The following DSC1 variants were observed in gnomAD, a reference collection of about 807,000 sequenced individuals.
DSC1 encodes the protein desmocollin 1.
DSC1 carries 79 observed loss-of-function variants against 98.8 expected under a neutral mutation model. The ratio of observed to expected loss-of-function variants is 0.80; its 90% CI spans 0.67 to 0.96. DSC1 has a LOEUF of 0.96. Ranked by LOEUF, DSC1 falls within the 50% of genes least tolerant of loss-of-function variation. The pLI, the probability that DSC1 is intolerant of heterozygous loss-of-function variation, is 0.00. For synonymous variants in DSC1, 405 were observed against 372.1 expected, an observed-to-expected ratio of 1.09 and a Z score of -1.02; for missense variants, 1,115 against 1,075.9, an observed-to-expected ratio of 1.04 and a Z score of -0.51.
intron 1 of DSC1, 76 bp downstream of exon 1, chr18:31,162,456 T>A: frequency 7.0e-7 from 1 of 1,423,010 alleles, no homozygotes. Flanking sequence ...ACTCCTAGTC[T>A]CTTTCAAGCC....
At position 31,154,810 on chromosome 18, in the gene DSC1, T is replaced by C; in HGVS notation, c.591A>G (p.Thr197=). ...CATATTTCTCACGGTCAATGCTCCTTGTACAAAAGATATCCCCAGTGTCTT... is the reference window on the plus strand; with the variant it reads ...CATATTTCTCACGGTCAATGCTCCTCGTACAAAAGATATCCCCAGTGTCTT... The part of the protein sequence containing the change: ...IEKDTGDIFC[T]RSIDREKYEQ... Residue 197 remains threonine (T), a synonymous_variant, in exon 5 of 16, where the codon ACA becomes ACG. Coordinates refer to ENST00000257198, the MANE Select transcript of DSC1 (RefSeq NM_024421.2). The C allele has an allele frequency of 6.2e-7, 1 of 1,613,932 alleles. No homozygotes were observed. The highest frequency in any genetic ancestry group is 8.5e-7 in the Non-Finnish European group (1 of 1,179,890).
chr18:31,147,006 CA>C (rs1350450170), intron 6 of DSC1, among the ~76,000 whole-genome samples: 2 of 152,214 alleles, frequency 1.3e-5, no homozygotes, highest in African/African-American at 4.8e-5. Flanking sequence ...ATATTATTCA[CA>C]CATATGTACA....
At chr18:31,135,829 G>A (rs79237852) in intron 11 of DSC1, among the ~76,000 whole-genome samples, 3 of 152,094 alleles carry the variant, frequency 2.0e-5, no homozygotes, top group Non-Finnish European at 4.4e-5. Flanking sequence ...GGTAATTGAT[G>A]TAATTTTTCA....
chr18:31,141,921 C>T (rs1988744829), intron 9 of DSC1, 78 bp downstream of exon 9: 12 of 1,401,872 alleles, frequency 8.6e-6, no homozygotes, highest in South Asian at 1.4e-5. Flanking sequence ...TAGTCATATA[C>T]ATATAAGAAT....
rs1989167522 is a variant in DSC1, at chr18:31,159,381, C to G, written c.148+64G>C. On this transcript the variant is annotated intron_variant, in intron 2 of 15. Coordinates refer to ENST00000257198, the MANE Select transcript of DSC1 (RefSeq NM_024421.2). The stretch of plus-strand genomic sequence containing the variant: ...TATGTGGTTTTTATCCCAAACTTTA[C>G]AAGAGCAGCCTGCAGCTAAATGTGA... The G allele has an allele frequency of 5.8e-6, 9 of 1,550,812 alleles. No homozygotes were observed. The South Asian group carries it at 6.8e-5, about 12-fold the overall frequency.
intron 11 of DSC1, among the ~76,000 whole-genome samples, chr18:31,137,792 C>T (rs1470581616): frequency 6.6e-6 from 1 of 152,078 alleles, no homozygotes; most frequent in East Asian, 1.9e-4. Context: ...GAATTTCAGA[C>T]AGGAGGAGCA....
At chr18:31,134,166 C>T (rs1201542944) in intron 12 of DSC1, 36 bp from the exon 13 acceptor site, 3 of 1,588,708 alleles carry the variant, frequency 1.9e-6, no homozygotes, top group Non-Finnish European at 2.6e-6. Flanking sequence ...TATGGATTGG[C>T]TGTTTAGATG....
At chr18:31,146,633 T>C (rs1988852167) in intron 6 of DSC1, among the ~76,000 whole-genome samples, 1 of 152,140 alleles carries the variant, frequency 6.6e-6, no homozygotes, top group Non-Finnish European at 1.5e-5. Context: ...AAATAGTAGC[T>C]CTGTTTTTAG....
intron 6 of DSC1, 137 bp downstream of exon 6, chr18:31,148,361 T>C (rs1988890351): frequency 9.1e-7 from 1 of 1,103,094 alleles, no homozygotes; most frequent in East Asian, 2.7e-5. Flanking sequence ...CAATTCCTAA[T>C]GGGAAAAAAA....
rs770260276 is a variant in DSC1 at position 31,157,437 on chromosome 18, G to C, written c.285C>G (p.Phe95Leu). Residue 95 changes from phenylalanine to leucine, a missense_variant, in exon 3 of 16, where the codon TTC becomes TTG. Phe to Leu is a conservative substitution (Grantham distance 22). Coordinates refer to ENST00000257198, the MANE Select transcript of DSC1 (RefSeq NM_024421.2). ...GTTCCCGTCTCTGACCATCTGAAAG[G>C]AAAATGGAAAAACTTTTCCTTTCAG... The part of the protein sequence containing the change: ...LSSERKSFSI[F>L]LSDGQRREQQ... 2.5e-6 allele frequency: 4 copies of C among 1,614,144 alleles called. No homozygotes were observed. The South Asian group carries it at 4.4e-5, about 18-fold the overall frequency.
rs772090663 is a variant in DSC1, at chr18:31,134,648, T to C, written c.1800A>G (p.Gly600=). The change falls in exon 12 of 16, where the codon GGA becomes GGG. Residue 600 remains glycine (G), a synonymous_variant. Transcript: ENST00000257198. The part of the protein sequence containing the change: ...FAVLKPVDPD[G]PENGPPFQFF... ...ATTGAAAAGGTGGTCCATTTTCAGG[T>C]CCATCTGGATCTACAGGTTTCAGAA... The C allele has an allele frequency of 1.4e-5, 22 of 1,612,864 alleles. No homozygotes were observed. In the African/African-American group the frequency reaches 2.5e-4, roughly 19 times the overall value.
rs770733214 is a variant in DSC1 at position 31,162,563 on chromosome 18, A to C, written c.32T>G (p.Ile11Ser). 1 of 1,614,016 alleles carries C rather than the reference A, an allele frequency of 6.2e-7. No homozygotes were observed. The highest frequency in any genetic ancestry group is 8.5e-7 in the Non-Finnish European group (1 of 1,180,022). Residue 11 changes from isoleucine (I) to serine (S), a missense_variant, in exon 1 of 16, where the codon ATC becomes AGC. Coordinates refer to ENST00000257198, the MANE Select transcript of DSC1 (RefSeq NM_024421.2). The stretch of plus-strand genomic sequence containing the variant: ...AGAGAAAAGGAGCTGCTTACAGAAG[A>C]TGCTCCCTGGGGCAGCAGAGGCCAG... MALASAAPGS[I>S]FCKQLLFSLL...
Position 31,162,690 on chromosome 18 carries a change from A to T in DSC1, c.-96T>A. ...GAAGACGCTGGCACTTGCACAGGGTATTCTGCTGCCACCTTGATGCAGCTG... is the reference window on the plus strand; with the variant it reads ...GAAGACGCTGGCACTTGCACAGGGTTTTCTGCTGCCACCTTGATGCAGCTG... On this transcript the variant is annotated 5_prime_UTR_variant, in exon 1 of 16. Coordinates refer to ENST00000257198, the MANE Select transcript of DSC1 (RefSeq NM_024421.2). The T allele has an allele frequency of 9.5e-7, 1 of 1,047,740 alleles. No individual in the cohort carries two copies. The highest frequency in any genetic ancestry group is 1.5e-6 in the Non-Finnish European group (1 of 679,600). 64.9% of individuals were successfully genotyped at this position (1,047,740 alleles called of 1,614,324 possible).
At chr18:31,161,683 A>AT in intron 1 of DSC1, among the ~76,000 whole-genome samples, 1 of 152,216 alleles carries the variant, frequency 6.6e-6, no homozygotes, top group East Asian at 1.9e-4. Flanking sequence ...CCTTTGAAAC[A>AT]TTTTTACCAC....
chr18:31,162,400 A>T (rs775882971), intron 1 of DSC1, 132 bp downstream of exon 1: 1 of 818,522 alleles, frequency 1.2e-6, no homozygotes, highest in African/African-American at 1.7e-5. Context: ...TCTTCCTCAG[A>T]TCTGCTTTTG....
chr18:31,154,660 C>A (rs990332413), intron 5 of DSC1, 114 bp downstream of exon 5: 4 of 993,750 alleles, frequency 4.0e-6, no homozygotes, highest in Admixed American at 3.2e-5. Context: ...ATATTAATAT[C>A]TTGAATATTA....
At chr18:31,154,665 A>G in intron 5 of DSC1, 109 bp downstream of exon 5, 1 of 1,035,806 alleles carries the variant, frequency 9.7e-7, no homozygotes, top group Non-Finnish European at 1.3e-6. Flanking sequence ...AATATCTTGA[A>G]TATTAAATCA....
At chr18:31,157,321 C>A (rs1430220446) in intron 3 of DSC1, 50 bp downstream of exon 3, 4 of 1,560,532 alleles carry the variant, frequency 2.6e-6, no homozygotes, top group African/African-American at 1.4e-5. Context: ...ACACGAAGGA[C>A]TCCCGTAAGC....
intron 1 of DSC1, 30 bp downstream of exon 1, chr18:31,162,502 G>A (rs560623835): frequency 6.2e-7 from 1 of 1,609,770 alleles, no homozygotes; most frequent in East Asian, 2.2e-5. Flanking sequence ...TAACATGCTT[G>A]AATTCCCTAA....
Sources: allele counts gnomAD v4.1 joint callset (sites outside exome capture counted in the v4.1 genomes callset), GRCh38; gene constraint gnomAD v4.1.1; transcripts MANE v1.5; gene names NCBI Gene and HGNC (gene_info 2026-07-23, HGNC 2026-07-21).